TENM1: variants seen among roughly 807,000 people sequenced by gnomAD.
The protein encoded by TENM1 is teneurin-1.
TENM1 carries 35 observed loss-of-function variants against 174.8 expected under a neutral mutation model. That is an observed-to-expected ratio of 0.20 (90% CI 0.15 to 0.27). The LOEUF (loss-of-function observed/expected upper bound fraction) is 0.27, where lower values mean the gene tolerates loss of function less well. TENM1 is among the 10% of genes least tolerant of loss of function. The pLI, the probability that TENM1 is intolerant of heterozygous loss-of-function variation, is 1.00. For missense variants in TENM1, 1,633 were observed against 2,130.1 expected (o/e 0.77, Z 4.59); for synonymous variants, 781 against 798.7 (o/e 0.98, Z 0.37).
chrX:124,512,038 C>T (rs2047596428), intron 18 of TENM1, among the ~76,000 whole-genome samples: 3 of 112,011 alleles, frequency 2.7e-5, no homozygotes, highest in Admixed American at 9.5e-5. Context: ...CTACTAACAG[C>T]GGATGGCTGA....
At chrX:125,048,765 T>C in the TENM1 span, among the ~76,000 whole-genome samples, 10 of 111,200 alleles carry the variant, frequency 9.0e-5, no homozygotes, top group African/African-American at 1.6e-4. Context: ...CTGTGCTTTG[T>C]ATGGTCTGCT....
the TENM1 span, among the ~76,000 whole-genome samples, chrX:124,989,572 A>G: frequency 8.1e-5 from 9 of 111,359 alleles, no homozygotes; most frequent in South Asian, 1.9e-3. Flanking sequence ...AAATCTTGAC[A>G]AAGAATAATA....
In TENM1 at chrX:124,663,232, A is replaced by G. The variant is rs767629988; in HGVS notation, c.1168+8451T>C. Among the ~76,000 whole-genome samples, 3 of 111,967 alleles carry G rather than the reference A, an allele frequency of 2.7e-5. No homozygotes were observed. The East Asian group carries it at 8.4e-4, about 31-fold the overall frequency. The stretch of plus-strand genomic sequence containing the variant: ...AAATGACCATTAAAATGACTAAGGG[A>G]AAATGGAAGCTACAAGAAGAATACA... On this transcript the variant is annotated intron_variant, in intron 6 of 31. Coordinates refer to ENST00000422452, the Ensembl canonical transcript of TENM1.
chrX:124,432,666 T>C (rs772870006), intron 23 of TENM1, among the ~76,000 whole-genome samples: 83 of 112,200 alleles, frequency 7.4e-4, no homozygotes, highest in Non-Finnish European at 1.3e-3. Context: ...CCTCAGGTGA[T>C]CCACCCACCT....
At chrX:124,602,114 T>C (rs1337684974) in intron 11 of TENM1, among the ~76,000 whole-genome samples, 1 of 111,219 alleles carries the variant, frequency 9.0e-6, no homozygotes, top group Non-Finnish European at 1.9e-5. Flanking sequence ...TACATAATTT[T>C]AGGTTGAGAA....
chrX:124,682,989 C>A (rs907073560), intron 5 of TENM1, among the ~76,000 whole-genome samples: 3 of 111,182 alleles, frequency 2.7e-5, no homozygotes, highest in African/African-American at 9.8e-5. Flanking sequence ...ACAAATGTAC[C>A]ATGGTGATAT....
At chrX:124,768,095 G>C (rs1184080857) in intron 3 of TENM1, among the ~76,000 whole-genome samples, 1 of 111,401 alleles carries the variant, frequency 9.0e-6, no homozygotes, top group Non-Finnish European at 1.9e-5. Flanking sequence ...AACCACAGCT[G>C]GAGAAGTGTG....
chrX:124,380,656 G>A, exon 32 of TENM1: 3 of 1,211,571 alleles, frequency 2.5e-6, no homozygotes, highest in Non-Finnish European at 3.4e-6. Context: ...CCCGCCCAGT[G>A]CTCAAAAGCT....
chrX:124,697,760 A>C (rs143178607), intron 5 of TENM1, among the ~76,000 whole-genome samples: 1,191 of 111,225 alleles, frequency 0.011, 10 homozygotes, highest in African/African-American at 0.037. Context: ...AAAACCCAAA[A>C]AATTAGTGAG....
At chrX:124,935,511 CT>C (rs1293232370) in intron 1 of TENM1, among the ~76,000 whole-genome samples, 1 of 111,636 alleles carries the variant, frequency 9.0e-6, no homozygotes, top group Non-Finnish European at 1.9e-5. Context: ...AAATTATCTG[CT>C]TTTTTTTCAG....
the TENM1 span, among the ~76,000 whole-genome samples, chrX:125,050,181 T>C: frequency 0.025 from 2,736 of 108,550 alleles, 43 homozygotes; most frequent in Non-Finnish European, 0.041. Flanking sequence ...ATTATTATAC[T>C]TCAAGTTTTA....
At chrX:124,941,843 C>T (rs2058331451) in intron 1 of TENM1, among the ~76,000 whole-genome samples, 1 of 111,741 alleles carries the variant, frequency 8.9e-6, no homozygotes, top group Non-Finnish European at 1.9e-5. Flanking sequence ...TTAGTGGACT[C>T]ACAGTTCCAC....
intron 14 of TENM1, among the ~76,000 whole-genome samples, chrX:124,549,518 C>G (rs1459478084): frequency 9.0e-6 from 1 of 110,570 alleles, no homozygotes; most frequent in Non-Finnish European, 1.9e-5. Flanking sequence ...ATATTAATGC[C>G]AAAAACGATC....
Position 124,691,389 on chromosome X carries a change from T to A in TENM1, c.1015+13624A>T, listed in dbSNP as rs1420801572. ...GATCCTTAAAAATATGAAAAGATAG[T>A]CAACCTTACTTTTTCTTAAGAGAAA... On this transcript the variant is annotated intron_variant, in intron 5 of 31. Transcript: ENST00000422452. 3.6e-5 allele frequency among the ~76,000 whole-genome samples: 4 copies of A among 111,938 alleles called. No homozygotes were observed. In the Admixed American group the frequency reaches 3.8e-4, roughly 11 times the overall value.
At chrX:124,955,226 AC>A (rs2058552060) in intron 1 of TENM1, among the ~76,000 whole-genome samples, 1 of 108,518 alleles carries the variant, frequency 9.2e-6, no homozygotes, top group South Asian at 3.7e-4. Context: ...TCTTGGATGC[AC>A]ATTGGCATCC....
chrX:124,600,537 G>A (rs183274524), intron 11 of TENM1, among the ~76,000 whole-genome samples: 2 of 111,340 alleles, frequency 1.8e-5, no homozygotes, highest in Admixed American at 1.9e-4. Flanking sequence ...GAGTACAGTG[G>A]AGAAGCCTGG....
Position 124,564,270 on chromosome X carries a change from A to G in TENM1, c.2264-498T>C, listed in dbSNP as rs753251727. ...TTAATGAATCTTAAATATTTCCCAC[A>G]GTTGCAGAACAAGACTTACTGTACC... On this transcript the variant is annotated intron_variant, in intron 12 of 31. Transcript: ENST00000422452. 2.7e-5 allele frequency among the ~76,000 whole-genome samples: 3 copies of G among 112,225 alleles called. No homozygotes were observed. In the East Asian group the frequency reaches 8.3e-4, roughly 31 times the overall value.
exon 9 of TENM1, chrX:124,646,807 A>C: frequency 8.8e-7 from 1 of 1,138,298 alleles, no homozygotes; most frequent in East Asian, 3.0e-5. Flanking sequence ...GTCATCCATT[A>C]TTTCTAGTAA....
chrX:124,628,105 T>C (rs2050678880), intron 11 of TENM1, among the ~76,000 whole-genome samples: 1 of 111,626 alleles, frequency 9.0e-6, no homozygotes, highest in Admixed American at 9.6e-5. Flanking sequence ...TTTAAAATGG[T>C]TACCCTTGCT....
Sources: allele counts gnomAD v4.1 joint callset (sites outside exome capture counted in the v4.1 genomes callset), GRCh38; gene constraint gnomAD v4.1.1; transcripts MANE v1.5; gene names NCBI Gene and HGNC (gene_info 2026-07-23, HGNC 2026-07-21).